Variants in GFRAL observed in about 807,000 individuals in gnomAD.
GFRAL encodes GDNF family receptor alpha like.
GFRAL carries 36 observed loss-of-function variants against 45.4 expected under a neutral mutation model. That is an observed-to-expected ratio of 0.79 (90% CI 0.61 to 1.05). GFRAL has a LOEUF of 1.05. Among genes scored for constraint, GFRAL ranks in the 50% least tolerant of loss-of-function variants. GFRAL has a pLI of 0.00. For missense variants in GFRAL, 507 were observed against 467.5 expected (o/e 1.08, Z -0.78); for synonymous variants, 166 against 154.1 (o/e 1.08, Z -0.57).
At chr6:55,344,051 A>G (rs1024968404) in intron 3 of GFRAL, among the ~76,000 whole-genome samples, 5 of 152,042 alleles carry the variant, frequency 3.3e-5, no homozygotes, top group African/African-American at 9.7e-5. Flanking sequence ...TTAATAGCCT[A>G]CCAACCAAAA....
chr6:55,350,674 A>G (rs984636967), intron 4 of GFRAL, among the ~76,000 whole-genome samples: 16 of 151,996 alleles, frequency 1.1e-4, no homozygotes, highest in African/African-American at 3.9e-4. Context: ...ATACAACAAG[A>G]CCCTGTCTCA....
intron 3 of GFRAL, among the ~76,000 whole-genome samples, chr6:55,343,669 A>G (rs1768000086): frequency 6.6e-6 from 1 of 152,190 alleles, no homozygotes; most frequent in African/African-American, 2.4e-5. Flanking sequence ...GCAAGAAATA[A>G]CTAAAATCAG....
intron 6 of GFRAL, among the ~76,000 whole-genome samples, chr6:55,386,093 T>C (rs914409690): frequency 6.6e-6 from 1 of 152,116 alleles, no homozygotes; most frequent in Non-Finnish European, 1.5e-5. Flanking sequence ...AGAAAGCCTG[T>C]ATTATTTCTT....
chr6:55,342,328 G>A lies in GFRAL; in HGVS notation c.317-7764G>A, dbSNP rs376492406. On this transcript the variant is annotated intron_variant, in intron 3 of 8. Transcript: ENST00000340465. ...CCAGCAGACTAACAGCAGATCTCTC[G>A]GCAGAAACTCTACAAGCCAGAAGAG... is the stretch of plus-strand genomic sequence containing the variant. 3.5e-3 allele frequency among the ~76,000 whole-genome samples: 527 copies of A among 152,210 alleles called. 6 individuals are homozygous for A. The highest frequency in any genetic ancestry group is 9.8e-3 in the African/African-American group (405 of 41,520).
At chr6:55,333,282 G>A (rs1767853185) in intron 2 of GFRAL, among the ~76,000 whole-genome samples, 1 of 152,088 alleles carries the variant, frequency 6.6e-6, no homozygotes, top group Admixed American at 6.6e-5. Context: ...TGTAGAAAAT[G>A]AAATATTGGT....
At chr6:55,399,586 T>A (rs1768870110) in intron 8 of GFRAL, 145 bp downstream of exon 8, 1 of 609,898 alleles carries the variant, frequency 1.6e-6, no homozygotes, top group Non-Finnish European at 2.9e-6. Flanking sequence ...TTATGTGGCA[T>A]AGGTCCATGG....
chr6:55,341,307 T>C (rs1226462365), intron 3 of GFRAL, among the ~76,000 whole-genome samples: 2 of 152,252 alleles, frequency 1.3e-5, no homozygotes, highest in East Asian at 3.9e-4. Flanking sequence ...CACAGCTGGG[T>C]ACCCCTGTGA....
chr6:55,379,394 G>T (rs1304856667), intron 6 of GFRAL, among the ~76,000 whole-genome samples: 2 of 151,682 alleles, frequency 1.3e-5, no homozygotes, highest in Non-Finnish European at 2.9e-5. Flanking sequence ...ATGTTGATTT[G>T]GATTAAGAAT....
At chr6:55,334,829 A>C (rs927748384) in intron 3 of GFRAL, among the ~76,000 whole-genome samples, 3 of 152,200 alleles carry the variant, frequency 2.0e-5, no homozygotes, top group Non-Finnish European at 4.4e-5. Flanking sequence ...TGTTTAACAT[A>C]ATACATTAGA....
intron 6 of GFRAL, among the ~76,000 whole-genome samples, chr6:55,378,131 C>G (rs534798392): frequency 2.6e-5 from 4 of 152,062 alleles, no homozygotes; most frequent in Non-Finnish European, 5.9e-5. Flanking sequence ...GAGTGGGTCC[C>G]CACATTTCGT....
At chr6:55,394,068 C>T (rs182580254) in intron 6 of GFRAL, among the ~76,000 whole-genome samples, 23 of 151,842 alleles carry the variant, frequency 1.5e-4, no homozygotes, top group African/African-American at 5.1e-4. Flanking sequence ...ATGGGATATA[C>T]GATTGAAAGA....
chr6:55,387,688 C>T (rs533615458), intron 6 of GFRAL, among the ~76,000 whole-genome samples: 6 of 152,270 alleles, frequency 3.9e-5, no homozygotes, highest in Middle Eastern at 3.4e-3. Flanking sequence ...ATGATGGCAA[C>T]GGTTCGTCTT....
At chr6:55,353,985 C>A (rs1193304271) in intron 5 of GFRAL, among the ~76,000 whole-genome samples, 5 of 151,944 alleles carry the variant, frequency 3.3e-5, no homozygotes, top group Non-Finnish European at 7.4e-5. Context: ...CAGCCAGGGC[C>A]AGGGGCACCA....
At chr6:55,339,546 C>T (rs1169399466) in intron 3 of GFRAL, among the ~76,000 whole-genome samples, 1 of 151,954 alleles carries the variant, frequency 6.6e-6, no homozygotes, top group East Asian at 1.9e-4. Flanking sequence ...ATTTTATGAC[C>T]TATTTGAAGA....
At chr6:55,354,523 A>G (rs2127356102) in intron 5 of GFRAL, among the ~76,000 whole-genome samples, 1 of 152,052 alleles carries the variant, frequency 6.6e-6, no homozygotes, top group African/African-American at 2.4e-5. Flanking sequence ...ATTTCCTTTC[A>G]CTATGTGCAA....
intron 5 of GFRAL, among the ~76,000 whole-genome samples, chr6:55,355,699 GCC>G (rs1182205097): frequency 6.6e-6 from 1 of 151,792 alleles, no homozygotes; most frequent in Non-Finnish European, 1.5e-5. Flanking sequence ...TAATTTGGAT[GCC>G]CCCCTTTTCT....
intron 6 of GFRAL, among the ~76,000 whole-genome samples, chr6:55,365,446 A>G (rs1214413895): frequency 1.1e-4 from 11 of 103,524 alleles, no homozygotes; most frequent in Middle Eastern, 3.9e-3. Flanking sequence ...TCTCCTGCCT[A>G]ATTGCCCTGG....
At position 55,401,985 on chromosome 6, in the gene GFRAL, T is replaced by C; in HGVS notation, c.*132T>C. ...CTCTCTGTTTCTTTTTCTTTTTCTTTTCTTTTTTGTGGCGGAGTTTTGCTC... is the reference window on the plus strand; with the variant it reads ...CTCTCTGTTTCTTTTTCTTTTTCTTCTCTTTTTTGTGGCGGAGTTTTGCTC... On this transcript the variant is annotated 3_prime_UTR_variant, in exon 9 of 9. Transcript: ENST00000340465. The C allele has an allele frequency of 1.7e-6, 1 of 589,676 alleles. No homozygotes were observed. The highest frequency in any genetic ancestry group is 2.9e-6 in the Non-Finnish European group (1 of 343,980). 36.5% of individuals were successfully genotyped at this position (589,676 alleles called of 1,614,324 possible).
intron 5 of GFRAL, among the ~76,000 whole-genome samples, chr6:55,354,554 T>A (rs898328882): frequency 1.3e-5 from 2 of 152,012 alleles, no homozygotes; most frequent in Non-Finnish European, 2.9e-5. Flanking sequence ...AATCAGTACT[T>A]TATAGAGGTG....
Sources: gnomAD v4.1 joint callset for allele counts (sites outside exome capture counted in the v4.1 genomes callset) on GRCh38, gnomAD v4.1.1 for gene constraint, MANE v1.5 for transcripts, NCBI Gene and HGNC (gene_info 2026-07-23, HGNC 2026-07-21) for gene names.